Variants in RAD51B observed in about 807,000 individuals in gnomAD.
RAD51B encodes the protein RAD51 paralog B, also known as DNA repair protein RAD51 homolog 2.
In RAD51B, 38 loss-of-function variants were observed where a neutral mutation model predicts 42.2. The ratio of observed to expected loss-of-function variants is 0.90; its 90% CI spans 0.70 to 1.18. The LOEUF (loss-of-function observed/expected upper bound fraction) is 1.18. Ranked by LOEUF, RAD51B falls within the 50% of genes most tolerant of loss-of-function variation. RAD51B has a pLI of 0.00. For missense variants in RAD51B, 373 were observed against 400.7 expected, an observed-to-expected ratio of 0.93 and a Z score of 0.59; for synonymous variants, 154 against 145.2, an observed-to-expected ratio of 1.06 and a Z score of -0.43.
chr14:68,095,473 A>G (rs1048932090), intron 7 of RAD51B, among the ~76,000 whole-genome samples: 1 of 152,132 alleles, frequency 6.6e-6, no homozygotes, highest in African/African-American at 2.4e-5. Flanking sequence ...TGAAAAAAAA[A>G]GAAGTCTTTC....
chr14:68,205,930 AC>A (rs1403997220), intron 7 of RAD51B, among the ~76,000 whole-genome samples: 8 of 152,174 alleles, frequency 5.3e-5, no homozygotes, highest in Non-Finnish European at 1.2e-4. Context: ...TATCTAATCT[AC>A]CATTTATATG....
rs1491215161 is a variant in RAD51B, at chr14:68,087,898, ATT to A, written c.756+200696_756+200697del. ...TATTTATATAATTATATAATATATT[ATT>A]TATATAATTATATAATATATTATAT... On this transcript the variant is annotated intron_variant, in intron 7 of 10. Coordinates refer to ENST00000471583, the MANE Select transcript of RAD51B (RefSeq NM_133510.4). Among the ~76,000 whole-genome samples, 469 of 79,530 alleles carry A rather than the reference ATT, an allele frequency of 5.9e-3. 7 individuals are homozygous for A. Among genetic ancestry groups the A allele is most frequent in the African/African-American group, 0.021 (295 of 14,086 alleles). 52.2% of individuals were successfully genotyped at this position (79,530 alleles called of 152,430 possible).
chr14:68,626,187 C>T (rs1183746462), intron 10 of RAD51B, among the ~76,000 whole-genome samples: 1 of 152,196 alleles, frequency 6.6e-6, no homozygotes, highest in Non-Finnish European at 1.5e-5. Context: ...ATACATGGCA[C>T]AGTTAGTGAG....
intron 7 of RAD51B, among the ~76,000 whole-genome samples, chr14:68,184,043 A>G (rs961562987): frequency 1.4e-5 from 2 of 146,488 alleles, no homozygotes; most frequent in South Asian, 4.5e-4. Context: ...CAGTGAGCGG[A>G]GATCACGCCA....
At chr14:68,072,319 A>C (rs1049634702) in intron 7 of RAD51B, among the ~76,000 whole-genome samples, 2 of 150,964 alleles carry the variant, frequency 1.3e-5, no homozygotes, top group African/African-American at 4.9e-5. Flanking sequence ...GTATTAACTT[A>C]CATTATCACA....
chr14:68,123,519 T>C (rs1323031960), intron 7 of RAD51B, among the ~76,000 whole-genome samples: 1 of 151,964 alleles, frequency 6.6e-6, no homozygotes, highest in Non-Finnish European at 1.5e-5. Context: ...AAAAGTTAGA[T>C]GATATCAGCT....
intron 8 of RAD51B, among the ~76,000 whole-genome samples, chr14:68,344,899 A>G (rs537743260): frequency 1.0e-3 from 151 of 147,820 alleles, no homozygotes; most frequent in African/African-American, 3.7e-3. Flanking sequence ...GTGAGCCGAG[A>G]TCATGCCACT....
chr14:68,652,473 C>G (rs561961736), intron 11 of RAD51B, among the ~76,000 whole-genome samples: 43 of 152,340 alleles, frequency 2.8e-4, no homozygotes, highest in African/African-American at 1.0e-3. Flanking sequence ...GGAAAGGGAT[C>G]CCGTCTAGAG....
intron 7 of RAD51B, among the ~76,000 whole-genome samples, chr14:68,212,968 G>C (rs1430317502): frequency 3.9e-5 from 6 of 152,130 alleles, no homozygotes; most frequent in Admixed American, 3.3e-4. Context: ...ATTCATAGCT[G>C]GTTGAACAAA....
intron 10 of RAD51B, among the ~76,000 whole-genome samples, chr14:68,495,223 T>G (rs1416061609): frequency 6.6e-6 from 1 of 152,164 alleles, no homozygotes; most frequent in East Asian, 1.9e-4. Flanking sequence ...CACCCAGGCT[T>G]ACAGGTCAAC....
At chr14:68,401,787 A>G (rs1473077451) in intron 8 of RAD51B, among the ~76,000 whole-genome samples, 1 of 152,226 alleles carries the variant, frequency 6.6e-6, no homozygotes, top group East Asian at 1.9e-4. Context: ...TAAATCTGAA[A>G]GACGACTAAT....
At chr14:68,105,831 G>A (rs1036276619) in intron 7 of RAD51B, among the ~76,000 whole-genome samples, 7 of 151,938 alleles carry the variant, frequency 4.6e-5, no homozygotes, top group Admixed American at 3.9e-4. Context: ...ACAAGGTTTA[G>A]CAATATTAGT....
At chr14:68,067,677 A>AT (rs891747162) in intron 7 of RAD51B, among the ~76,000 whole-genome samples, 42 of 151,922 alleles carry the variant, frequency 2.8e-4, no homozygotes, top group Non-Finnish European at 1.2e-4. Context: ...AAGTTAACGT[A>AT]TTTAAAGTGA....
intron 5 of RAD51B, among the ~76,000 whole-genome samples, chr14:67,877,661 G>A (rs2042769530): frequency 6.6e-6 from 1 of 152,112 alleles, no homozygotes; most frequent in Admixed American, 6.5e-5. Flanking sequence ...TTATTGAAGA[G>A]AAATTTATAA....
chr14:68,023,608 T>G (rs1292751992), intron 7 of RAD51B, among the ~76,000 whole-genome samples: 1 of 152,226 alleles, frequency 6.6e-6, no homozygotes, highest in Non-Finnish European at 1.5e-5. Flanking sequence ...ATTACTGGTG[T>G]GAGGCACCGC....
downstream of RAD51B, among the ~76,000 whole-genome samples, chr14:68,597,866 T>C (rs1891067549): frequency 6.6e-6 from 1 of 151,268 alleles, no homozygotes; most frequent in Non-Finnish European, 1.5e-5. Flanking sequence ...ACTCTATCCT[T>C]GCCAGGTCAC....
chr14:68,071,789 G>A (rs970536691), intron 7 of RAD51B, among the ~76,000 whole-genome samples: 9 of 151,772 alleles, frequency 5.9e-5, no homozygotes, highest in African/African-American at 2.2e-4. Context: ...GAATGAGTAA[G>A]GGAGGAGTCT....
At chr14:68,639,013 C>G (rs923928067) in intron 10 of RAD51B, among the ~76,000 whole-genome samples, 5 of 151,958 alleles carry the variant, frequency 3.3e-5, no homozygotes, top group Non-Finnish European at 5.9e-5. Context: ...AAAGGGGAGG[C>G]ACTGAAGAGT....
At chr14:68,657,516 A>C (rs1440800929) in intron 11 of RAD51B, among the ~76,000 whole-genome samples, 1 of 152,232 alleles carries the variant, frequency 6.6e-6, no homozygotes, top group African/African-American at 2.4e-5. Flanking sequence ...TAATATACTA[A>C]GTGAGCCTGG....
Sources: gnomAD v4.1 joint callset for allele counts (sites outside exome capture counted in the v4.1 genomes callset) on GRCh38, gnomAD v4.1.1 for gene constraint, MANE v1.5 for transcripts, NCBI Gene and HGNC (gene_info 2026-07-23, HGNC 2026-07-21) for gene names.